Variants in TTC28 observed in about 807,000 individuals in gnomAD.
The protein encoded by TTC28 is tetratricopeptide repeat protein 28.
Under a neutral mutation model 198.0 loss-of-function variants are expected in TTC28, and 61 were observed. The observed-to-expected ratio is 0.31, with a 90% CI of 0.25 to 0.38. TTC28 has a LOEUF of 0.38. Ranked by LOEUF, TTC28 falls within the 10% of genes least tolerant of loss-of-function variation. TTC28 has a pLI of 1.00. For missense variants in TTC28, 2,678 were observed against 3,164.0 expected (o/e 0.85, Z 3.69); for synonymous variants, 1,171 against 1,297.8 (o/e 0.90, Z 2.10).
chr22:28,267,880 G>A (rs958774965), intron 5 of TTC28, among the ~76,000 whole-genome samples: 10 of 152,146 alleles, frequency 6.6e-5, no homozygotes, highest in African/African-American at 2.4e-4. Flanking sequence ...CAATGTAATA[G>A]GACAGGACAG....
chr22:28,678,186 C>A (rs2052032618), intron 1 of TTC28, among the ~76,000 whole-genome samples: 1 of 152,108 alleles, frequency 6.6e-6, no homozygotes, highest in Non-Finnish European at 1.5e-5. Context: ...TAATTTTAAC[C>A]TAGCTGGAGT....
chr22:28,351,228 T>A (rs560305590), intron 2 of TTC28, among the ~76,000 whole-genome samples: 46 of 152,076 alleles, frequency 3.0e-4, no homozygotes, highest in Admixed American at 1.2e-3. Context: ...AGGAAAGGAC[T>A]GGCAACACTG....
chr22:28,193,370 T>G (rs1305246682), intron 5 of TTC28, among the ~76,000 whole-genome samples: 1 of 152,154 alleles, frequency 6.6e-6, no homozygotes, highest in Admixed American at 6.5e-5. Flanking sequence ...AGGAAGAAAC[T>G]GCATCAACTA....
intron 2 of TTC28, among the ~76,000 whole-genome samples, chr22:28,480,738 T>A (rs1376836195): frequency 6.6e-6 from 1 of 151,654 alleles, no homozygotes; most frequent in Non-Finnish European, 1.5e-5. Context: ...ACAGTGAGAA[T>A]GGGTAGAAAG....
chr22:28,261,059 G>A (rs1931286083), intron 5 of TTC28, among the ~76,000 whole-genome samples: 2 of 152,170 alleles, frequency 1.3e-5, no homozygotes, highest in South Asian at 4.1e-4. Context: ...GCCCACTCAG[G>A]ATGAAGGAGG....
intron 6 of TTC28, among the ~76,000 whole-genome samples, chr22:28,137,748 C>G (rs775987703): frequency 1.3e-5 from 2 of 152,118 alleles, no homozygotes; most frequent in Non-Finnish European, 2.9e-5. Context: ...GGCACGGTGG[C>G]TCACACCTGT....
At chr22:28,228,615 G>A (rs112493468) in intron 5 of TTC28, among the ~76,000 whole-genome samples, 3,121 of 151,948 alleles carry the variant, frequency 0.021, 32 homozygotes, top group Non-Finnish European at 0.027. Flanking sequence ...CAGGAGAATC[G>A]CTAGAACCCG....
In TTC28 at chr22:27,998,593, G is replaced by A; in HGVS notation, c.5066C>T (p.Ala1689Val). Reference sequence around the variant, plus strand: ...CTTGCTGCTCTGCACCACCTTCATGGCCTCCCCCAGGGCGGCGCTGGCTTT... The same window carrying A: ...CTTGCTGCTCTGCACCACCTTCATGACCTCCCCCAGGGCGGCGCTGGCTTT... The part of the protein sequence containing the change: ...GLKASAALGE[A>V]MKVVQSSKAF... The change falls in exon 16 of 23, where the codon GCC (alanine) becomes GTC (valine). Residue 1689 changes from alanine to valine, a missense_variant. Transcript: ENST00000397906. The A allele has an allele frequency of 6.4e-7, 1 of 1,550,798 alleles. No individual in the cohort carries two copies. Among genetic ancestry groups the A allele is most frequent in the Non-Finnish European group, 8.7e-7 (1 of 1,147,000 alleles).
intron 5 of TTC28, among the ~76,000 whole-genome samples, chr22:28,205,638 A>G (rs1209734530): frequency 6.6e-6 from 1 of 152,172 alleles, no homozygotes; most frequent in Non-Finnish European, 1.5e-5. Flanking sequence ...TCAAATGAAC[A>G]ACAGAATTAA....
Position 28,641,094 on chromosome 22 carries a change from G to A in TTC28, c.103-11264C>T, listed in dbSNP as rs571744559. ...TAATCCCAGCACTATGGGAGGCCGA[G>A]GTAGGTGGATCACGAGGTCAGGAGA... On this transcript the variant is annotated intron_variant, in intron 1 of 22. Transcript: ENST00000397906. Among the ~76,000 whole-genome samples, 55 of 152,280 alleles carry A rather than the reference G, an allele frequency of 3.6e-4. No homozygotes were observed. In the South Asian group the frequency reaches 5.6e-3, roughly 16 times the overall value.
In TTC28 at chr22:28,005,529, C is replaced by T. The variant is rs1569079409; in HGVS notation, c.4219-3976G>A. ...CGATATGCAGGGTGCTGAGCTGTGTCAGTGGAGTGCACTAAGGGGCACTGA... is the reference window on the plus strand; with the variant it reads ...CGATATGCAGGGTGCTGAGCTGTGTTAGTGGAGTGCACTAAGGGGCACTGA... On this transcript the variant is annotated intron_variant, in intron 14 of 22. Coordinates refer to ENST00000397906, the MANE Select transcript of TTC28 (RefSeq NM_001145418.2). The surrounding 1 kb of genome is among the most constrained non-coding windows in gnomAD (Gnocchi z 4.9). Among the ~76,000 whole-genome samples, 1 of 152,168 alleles carries T rather than the reference C, an allele frequency of 6.6e-6. No individual in the cohort carries two copies. The highest frequency in any genetic ancestry group is 1.5e-5 in the Non-Finnish European group (1 of 68,018).
At position 28,475,320 on chromosome 22, in the gene TTC28, C is replaced by T. The variant is rs545889451; in HGVS notation, c.381+154232G>A. Among the ~76,000 whole-genome samples, 6 of 152,188 alleles carry T rather than the reference C, an allele frequency of 3.9e-5. No homozygotes were observed. The East Asian group carries it at 1.2e-3, about 29-fold the overall frequency. On this transcript the variant is annotated intron_variant, in intron 2 of 22. Coordinates refer to ENST00000397906, the MANE Select transcript of TTC28 (RefSeq NM_001145418.2). ...AACCACCCTGGACAGGATGCCCTCC[C>T]ATGGCAGGGCACACTCACACCCACA... is the stretch of plus-strand genomic sequence containing the variant.
intron 5 of TTC28, among the ~76,000 whole-genome samples, chr22:28,172,340 T>C (rs921591054): frequency 2.0e-5 from 3 of 152,176 alleles, no homozygotes; most frequent in African/African-American, 4.8e-5. Context: ...CTGTCAAATA[T>C]GTAAACCATA....
At chr22:28,618,883 ACAGTGAGCTACACTT>A in intron 2 of TTC28, among the ~76,000 whole-genome samples, 1 of 152,126 alleles carries the variant, frequency 6.6e-6, no homozygotes, top group Non-Finnish European at 1.5e-5. Context: ...CACATATTAA[ACAGTGAGCTACACTT>A]ATAGGATCCT....
At chr22:28,044,616 A>G (rs1216538877) in intron 12 of TTC28, among the ~76,000 whole-genome samples, 1 of 151,882 alleles carries the variant, frequency 6.6e-6, no homozygotes, top group Non-Finnish European at 1.5e-5. Flanking sequence ...CCCCCAACCC[A>G]CAACAGTCCC....
chr22:28,032,431 C>T (rs1939173886), intron 12 of TTC28, among the ~76,000 whole-genome samples: 1 of 150,934 alleles, frequency 6.6e-6, no homozygotes, highest in Admixed American at 6.6e-5. Context: ...TGCTTTTCTC[C>T]CCAGCCTTCA....
chr22:28,515,305 C>A (rs914359366), intron 2 of TTC28, among the ~76,000 whole-genome samples: 1 of 152,088 alleles, frequency 6.6e-6, no homozygotes, highest in Non-Finnish European at 1.5e-5. Context: ...AAAAAACCTT[C>A]ATAATTATTT....
At chr22:28,395,074 A>G (rs2046793039) in intron 2 of TTC28, among the ~76,000 whole-genome samples, 1 of 152,164 alleles carries the variant, frequency 6.6e-6, no homozygotes, top group Non-Finnish European at 1.5e-5. Flanking sequence ...CAGGAACATG[A>G]GTTTCAATTT....
chr22:28,168,826 T>A (rs1922322250), intron 5 of TTC28, among the ~76,000 whole-genome samples: 1 of 152,004 alleles, frequency 6.6e-6, no homozygotes. Context: ...ACAAATGGGA[T>A]CTAATTAAAC....
Sources: gnomAD v4.1 joint callset for allele counts (sites outside exome capture counted in the v4.1 genomes callset) on GRCh38, gnomAD v4.1.1 for gene constraint, Gnocchi (gnomAD v3.1) non-coding constraint, MANE v1.5 for transcripts, NCBI Gene and HGNC (gene_info 2026-07-23, HGNC 2026-07-21) for gene names.